PIK3C2A: variants seen among roughly 807,000 people sequenced by gnomAD.
PIK3C2A encodes the protein phosphatidylinositol 4-phosphate 3-kinase C2 domain-containing subunit alpha.
In PIK3C2A, 97 loss-of-function variants were observed where a neutral mutation model predicts 204.5. That is an observed-to-expected ratio of 0.47 (90% CI 0.40 to 0.56). The LOEUF is 0.56. PIK3C2A is among the 20% of genes least tolerant of loss of function. PIK3C2A has a pLI of 0.00. For synonymous variants in PIK3C2A, 653 were observed against 664.4 expected (o/e 0.98, Z 0.26); for missense variants, 1,735 against 1,969.2 (o/e 0.88, Z 2.25).
At chr11:17,109,767 C>T (rs1848937744) in intron 22 of PIK3C2A, among the ~76,000 whole-genome samples, 1 of 152,096 alleles carries the variant, frequency 6.6e-6, no homozygotes. Flanking sequence ...AACTCCTAGA[C>T]TCAAGTGATC....
At chr11:17,147,096 T>C (rs1850267832) in intron 6 of PIK3C2A, among the ~76,000 whole-genome samples, 1 of 152,240 alleles carries the variant, frequency 6.6e-6, no homozygotes, top group African/African-American at 2.4e-5. Context: ...TAGTGAACTT[T>C]TAAAACAGGG....
intron 32 of PIK3C2A, 107 bp from the exon 33 acceptor site, chr11:17,090,027 T>C: frequency 1.3e-6 from 1 of 759,588 alleles, no homozygotes; most frequent in Non-Finnish European, 2.2e-6. Context: ...GTGACCACAA[T>C]GAGTGACACT....
chr11:17,098,268 T>C (rs555876426), intron 26 of PIK3C2A, among the ~76,000 whole-genome samples: 29 of 152,252 alleles, frequency 1.9e-4, no homozygotes, highest in African/African-American at 6.5e-4. Context: ...TATTTAGAGA[T>C]AGGGCCTTTA....
At chr11:17,177,652 C>T (rs760562185) in intron 1 of PIK3C2A, among the ~76,000 whole-genome samples, 18 of 152,138 alleles carry the variant, frequency 1.2e-4, no homozygotes, top group Non-Finnish European at 2.1e-4. Flanking sequence ...TCTCATATCT[C>T]TACTGATTCA....
Position 17,114,440 on chromosome 11 carries a change from C to T in PIK3C2A, c.3242G>A (p.Arg1081Gln), listed in dbSNP as rs1849111378. The change falls in exon 20 of 33, where the codon CGA (arginine) becomes CAA (glutamine). Residue 1081 changes from arginine to glutamine, a missense_variant. Coordinates refer to ENST00000691414, the MANE Select transcript of PIK3C2A (RefSeq NM_002645.4). Reference sequence around the variant, plus strand: ...ATTTTTCTGAAAAAAGGACTGTACTCGTTCCATACTTCTTTGGAGAACAAC... The same window carrying T: ...ATTTTTCTGAAAAAAGGACTGTACTTGTTCCATACTTCTTTGGAGAACAAC... The part of the protein sequence containing the change: ...RQVVLQRSME[R>Q]VQSFFQKNKC... 1.3e-6 allele frequency: 2 copies of T among 1,569,996 alleles called. No individual in the cohort carries two copies. Among genetic ancestry groups the T allele is most frequent in the Non-Finnish European group, 1.8e-6 (2 of 1,140,564 alleles).
intron 26 of PIK3C2A, among the ~76,000 whole-genome samples, chr11:17,098,934 T>C (rs986642229): frequency 6.6e-6 from 1 of 152,160 alleles, no homozygotes; most frequent in African/African-American, 2.4e-5. Flanking sequence ...TCGCTTTTGT[T>C]CCTCAGGCTG....
intron 1 of PIK3C2A, among the ~76,000 whole-genome samples, chr11:17,181,889 C>T (rs1001052629): frequency 3.3e-5 from 5 of 151,438 alleles, no homozygotes; most frequent in Non-Finnish European, 5.9e-5. Context: ...GTCAGGAGTT[C>T]GAGACCAGCC....
intron 26 of PIK3C2A, among the ~76,000 whole-genome samples, chr11:17,099,174 C>T (rs745560060): frequency 2.4e-4 from 37 of 152,262 alleles, no homozygotes; most frequent in Non-Finnish European, 5.1e-4. Flanking sequence ...GGATTACAGG[C>T]GTGAGCCACT....
At chr11:17,095,771 CG>C (rs1303250075) in intron 27 of PIK3C2A, among the ~76,000 whole-genome samples, 1 of 151,280 alleles carries the variant, frequency 6.6e-6, no homozygotes, top group African/African-American at 2.4e-5. Context: ...AAAAATTAGC[CG>C]GGTGTGCTGG....
intron 26 of PIK3C2A, 50 bp downstream of exon 26, chr11:17,099,805 ACAAAT>A (rs1002553703): frequency 1.7e-5 from 14 of 812,750 alleles, no homozygotes; most frequent in Non-Finnish European, 2.7e-5. Context: ...CTAAGGTAAA[ACAAAT>A]CAAAGCAATA....
intron 1 of PIK3C2A, among the ~76,000 whole-genome samples, chr11:17,175,799 A>C (rs1851315759): frequency 6.6e-6 from 1 of 152,178 alleles, no homozygotes; most frequent in East Asian, 1.9e-4. Context: ...TTAGACAGTC[A>C]TTTACAATTT....
intron 22 of PIK3C2A, 52 bp from the exon 23 acceptor site, chr11:17,105,357 T>C: frequency 3.6e-6 from 5 of 1,388,026 alleles, no homozygotes; most frequent in Non-Finnish European, 5.0e-6. Context: ...AAAGTAAGCC[T>C]TTAAACATTT....
intron 15 of PIK3C2A, among the ~76,000 whole-genome samples, chr11:17,120,225 T>C (rs1031706645): frequency 3.9e-5 from 6 of 152,060 alleles, no homozygotes; most frequent in Non-Finnish European, 8.8e-5. Flanking sequence ...TAATTCAGTA[T>C]AATAAAAATT....
rs77451758 is a variant in PIK3C2A, at chr11:17,121,331, G to A, written c.2657+857C>T. Among the ~76,000 whole-genome samples the A allele has an allele frequency of 7.4e-3, 1,120 of 150,704 alleles. 11 individuals are homozygous for A. The highest frequency in any genetic ancestry group is 0.026 in the African/African-American group (1,082 of 41,024). On this transcript the variant is annotated intron_variant, in intron 15 of 32. Coordinates refer to ENST00000691414, the MANE Select transcript of PIK3C2A (RefSeq NM_002645.4). ...AGGGTCTCACTATATTGTCAGTGTT[G>A]GTCTCCAACTCCTGGGCTCAAGCAA...
In PIK3C2A at chr11:17,089,797, A is replaced by C; in HGVS notation, c.5002T>G (p.Phe1668Val). ...TTAACCGTCTCTTTGCTCAAGTTGA[A>C]ATCTTTCAAAGGCAGGGTTACTCCA... ...LGGVTLPLKD[F>V]NLSKETVKWY... Residue 1668 changes from phenylalanine (F) to valine (V), a missense_variant, in exon 33 of 33, where the codon TTC (phenylalanine) becomes GTC (valine). This residue lies in a region of PIK3C2A where 503 missense variants were observed against 669.0 expected (regional missense o/e 0.75). Coordinates refer to ENST00000691414, the MANE Select transcript of PIK3C2A (RefSeq NM_002645.4). 1 of 1,614,002 alleles carries C rather than the reference A, an allele frequency of 6.2e-7. No homozygotes were observed. The highest frequency in any genetic ancestry group is 1.7e-5 in the Admixed American group (1 of 60,004).
At chr11:17,206,031 G>A (rs1852561002) in intron 1 of PIK3C2A, among the ~76,000 whole-genome samples, 1 of 152,174 alleles carries the variant, frequency 6.6e-6, no homozygotes, top group South Asian at 2.1e-4. Context: ...GCTGAGGCAG[G>A]AGAATCACTT....
intron 22 of PIK3C2A, among the ~76,000 whole-genome samples, chr11:17,107,141 A>G (rs1848849051): frequency 6.6e-6 from 1 of 152,050 alleles, no homozygotes; most frequent in Non-Finnish European, 1.5e-5. Flanking sequence ...GTGAAACCCC[A>G]TCTCTACTAA....
At position 17,102,489 on chromosome 11, in the gene PIK3C2A, TACACATTTAC is replaced by T. The variant is rs557063640; in HGVS notation, c.3851+163_3851+172del. Among the ~76,000 whole-genome samples the T allele has an allele frequency of 5.1e-4, 77 of 152,354 alleles. 1 individual carries two copies. Among genetic ancestry groups the T allele is most frequent in the African/African-American group, 1.7e-3 (70 of 41,592 alleles). The stretch of plus-strand genomic sequence containing the variant: ...AACAACAACAACAAAACAAAGTTTA[TACACATTTAC>T]ACACATTCTTGTCTACTATGTGGTA... On this transcript the variant is annotated intron_variant, in intron 24 of 32. Coordinates refer to ENST00000691414, the MANE Select transcript of PIK3C2A (RefSeq NM_002645.4).
intron 24 of PIK3C2A, among the ~76,000 whole-genome samples, chr11:17,101,817 A>C (rs539346235): frequency 1.3e-5 from 2 of 151,614 alleles, no homozygotes; most frequent in Non-Finnish European, 2.9e-5. Flanking sequence ...GTTAGCCAGG[A>C]TGGTCTCGAT....
Sources: gnomAD v4.1 joint callset for allele counts (sites outside exome capture counted in the v4.1 genomes callset) on GRCh38, gnomAD v4.1.1 for gene constraint, gnomAD v4.1.1 regional missense constraint, MANE v1.5 for transcripts, NCBI Gene and HGNC (gene_info 2026-07-23, HGNC 2026-07-21) for gene names.